The following RABGAP1L variants were observed in gnomAD, a reference collection of about 807,000 sequenced individuals.
RABGAP1L encodes the protein RAB GTPase activating protein 1 like, also known as rab GTPase-activating protein 1-like.
Under a neutral mutation model 137.7 loss-of-function variants are expected in RABGAP1L, and 63 were observed. That is an observed-to-expected ratio of 0.46 (90% CI 0.37 to 0.56). The LOEUF (loss-of-function observed/expected upper bound fraction) is 0.56, where lower values mean the gene tolerates loss of function less well. RABGAP1L is among the 20% of genes least tolerant of loss of function. RABGAP1L has a pLI of 0.00. For synonymous variants in RABGAP1L, 431 were observed against 433.7 expected (o/e 0.99, Z 0.08); for missense variants, 1,095 against 1,244.0 (o/e 0.88, Z 1.80).
At chr1:174,606,385 A>G (rs1670795836) in intron 13 of RABGAP1L, among the ~76,000 whole-genome samples, 1 of 152,162 alleles carries the variant, frequency 6.6e-6, no homozygotes, top group South Asian at 2.1e-4. Flanking sequence ...CCTTCACATC[A>G]TTATTTGCAA....
chr1:174,808,861 T>A (rs1336496046), intron 18 of RABGAP1L, among the ~76,000 whole-genome samples: 3 of 152,104 alleles, frequency 2.0e-5, no homozygotes, highest in African/African-American at 7.2e-5. Context: ...TTCACCGTGT[T>A]GGTCAGGCTG....
chr1:174,982,209 G>A (rs1216606499), intron 23 of RABGAP1L, among the ~76,000 whole-genome samples: 3 of 151,790 alleles, frequency 2.0e-5, no homozygotes, highest in Admixed American at 1.3e-4. Flanking sequence ...AGGTATACAC[G>A]TGCCGTGGTG....
chr1:174,800,416 G>A (rs758488528), intron 18 of RABGAP1L: 1 of 1,550,700 alleles, frequency 6.4e-7, no homozygotes, highest in Admixed American at 2.0e-5. Flanking sequence ...ACGACGAGAG[G>A]AGCAAGCTGG....
intron 11 of RABGAP1L, among the ~76,000 whole-genome samples, chr1:174,349,351 A>C (rs1352997480): frequency 1.3e-5 from 1 of 75,036 alleles, no homozygotes; most frequent in African/African-American, 6.8e-5. Flanking sequence ...CTGGCCGGGC[A>C]GGGGGGCTGA....
At chr1:174,160,495 G>T (rs1317745032) in intron 1 of RABGAP1L, among the ~76,000 whole-genome samples, 2 of 152,178 alleles carry the variant, frequency 1.3e-5, no homozygotes, top group Non-Finnish European at 2.9e-5. Context: ...GGATCTCTCA[G>T]ATAGGGTTAT....
intron 19 of RABGAP1L, among the ~76,000 whole-genome samples, chr1:174,872,441 C>T (rs1384226206): frequency 6.6e-6 from 1 of 152,048 alleles, no homozygotes; most frequent in Non-Finnish European, 1.5e-5. Context: ...TCTTTTGTTA[C>T]CTCACTTAGA....
At chr1:174,666,856 A>G (rs564900994) in intron 14 of RABGAP1L, among the ~76,000 whole-genome samples, 1 of 152,198 alleles carries the variant, frequency 6.6e-6, no homozygotes, top group East Asian at 1.9e-4. Flanking sequence ...AACTTTCTTT[A>G]ATAATTTTAA....
chr1:174,182,110 T>C (rs1399046702), intron 1 of RABGAP1L, among the ~76,000 whole-genome samples: 2 of 152,192 alleles, frequency 1.3e-5, no homozygotes, highest in Admixed American at 6.5e-5. Context: ...TGAATTAATA[T>C]AACTGTGTCC....
intron 17 of RABGAP1L, among the ~76,000 whole-genome samples, chr1:174,705,969 A>G (rs1680012858): frequency 6.6e-6 from 1 of 152,188 alleles, no homozygotes; most frequent in Non-Finnish European, 1.5e-5. Flanking sequence ...ATGGAAGGAT[A>G]GGAAGCTCTC....
rs200391012 is a variant in RABGAP1L at position 174,969,361 on chromosome 1, A to G, written c.2518A>G (p.Ile840Val). Reference sequence around the variant, plus strand: ...TGCCCATGAACTAGTAACAAGCAAAATTGCTCTACGGAATGACTTGGATCA... The same window carrying G: ...TGCCCATGAACTAGTAACAAGCAAAGTTGCTCTACGGAATGACTTGGATCA... ...DLAHELVTSK[I>V]ALRNDLDQAE... Residue 840 changes from isoleucine to valine, a missense_variant, in exon 21 of 26, where the codon ATT becomes GTT. Ile to Val is a conservative substitution (Grantham distance 29). Around this residue, in one of 4 missense-constraint regions of RABGAP1L, gnomAD observed 312 missense variants for 435.6 expected, o/e 0.72. Coordinates refer to ENST00000681986, the MANE Select transcript of RABGAP1L (RefSeq NM_001366446.1). 25 of 1,550,310 alleles carry G rather than the reference A, an allele frequency of 1.6e-5. No individual in the cohort carries two copies. In the East Asian group the frequency reaches 5.9e-4, roughly 36 times the overall value.
intron 13 of RABGAP1L, among the ~76,000 whole-genome samples, chr1:174,551,749 TA>T (rs1666561196): frequency 2.3e-5 from 3 of 127,918 alleles, no homozygotes; most frequent in African/African-American, 1.2e-4. Context: ...AAACAAAAGC[TA>T]TTTTTGGAAA....
At chr1:174,376,603 T>G (rs1685567042) in intron 12 of RABGAP1L, among the ~76,000 whole-genome samples, 3 of 152,146 alleles carry the variant, frequency 2.0e-5, no homozygotes, top group Admixed American at 1.3e-4. Flanking sequence ...ATATAATCAT[T>G]TCAATAGATG....
Position 174,394,131 on chromosome 1 carries a change from A to G in RABGAP1L, c.1696A>G (p.Ile566Val). Residue 566 changes from isoleucine to valine, a missense_variant, in exon 13 of 26, where the codon ATT (isoleucine) becomes GTT (valine). Ile to Val is a conservative substitution (Grantham distance 29). Around this residue, in one of 4 missense-constraint regions of RABGAP1L, gnomAD observed 315 missense variants for 324.8 expected, o/e 0.97. Transcript: ENST00000681986. ...CCAGGCAATGCTGGATAGATACCGA[A>G]TTCTTATCACAAAGGTAGGAAGAAG... Reference protein sequence around the residue: ...DNQAMLDRYRILITKDSAQES... With the variant: ...DNQAMLDRYRVLITKDSAQES... 6.2e-7 allele frequency: 1 copy of G among 1,613,162 alleles called. No homozygotes were observed. Among genetic ancestry groups the G allele is most frequent in the African/African-American group, 1.3e-5 (1 of 74,992 alleles).
intron 13 of RABGAP1L, among the ~76,000 whole-genome samples, chr1:174,511,301 T>G (rs183572541): frequency 6.6e-6 from 1 of 152,222 alleles, no homozygotes; most frequent in Admixed American, 6.5e-5. Context: ...TGCAGAGATA[T>G]ATGTTTTCAG....
At chr1:174,608,268 C>T (rs1341511955) in intron 13 of RABGAP1L, among the ~76,000 whole-genome samples, 1 of 151,980 alleles carries the variant, frequency 6.6e-6, no homozygotes, top group Non-Finnish European at 1.5e-5. Context: ...TCATATGGAT[C>T]GTTTATAATA....
At chr1:174,265,769 A>ATT (rs146544938) in intron 7 of RABGAP1L, among the ~76,000 whole-genome samples, 9 of 150,724 alleles carry the variant, frequency 6.0e-5, no homozygotes, top group Admixed American at 1.3e-4. Flanking sequence ...CTGTACTGGT[A>ATT]TTTTTTTTTG....
intron 19 of RABGAP1L, among the ~76,000 whole-genome samples, chr1:174,850,903 C>G (rs1277935334): frequency 6.6e-6 from 1 of 152,180 alleles, no homozygotes; most frequent in Middle Eastern, 3.2e-3. Flanking sequence ...GTGGAGGAGA[C>G]CACTTGAGAA....
At chr1:174,193,319 G>A (rs1387149912) in intron 1 of RABGAP1L, among the ~76,000 whole-genome samples, 2 of 152,208 alleles carry the variant, frequency 1.3e-5, no homozygotes, top group Non-Finnish European at 2.9e-5. Context: ...ATCATCTGAG[G>A]TCAGGAGTTC....
chr1:174,776,636 A>G (rs1331781447), intron 18 of RABGAP1L, among the ~76,000 whole-genome samples: 1 of 152,220 alleles, frequency 6.6e-6, no homozygotes, highest in African/African-American at 2.4e-5. Flanking sequence ...TCTTCTAGAC[A>G]TAGTTCCTAA....
Sources: allele counts gnomAD v4.1 joint callset (sites outside exome capture counted in the v4.1 genomes callset), GRCh38; gene constraint gnomAD v4.1.1; regional missense constraint gnomAD v4.1.1; transcripts MANE v1.5; gene names NCBI Gene and HGNC (gene_info 2026-07-23, HGNC 2026-07-21).